CTNNAL1: variants seen among roughly 807,000 people sequenced by gnomAD.
CTNNAL1 encodes the protein catenin alpha like 1.
Under a neutral mutation model 93.6 loss-of-function variants are expected in CTNNAL1, and 69 were observed. That is an observed-to-expected ratio of 0.74 (90% confidence interval 0.61 to 0.90). The LOEUF (loss-of-function observed/expected upper bound fraction) is 0.90, where lower values mean the gene tolerates loss of function less well. Ranked by LOEUF, CTNNAL1 falls within the 40% of genes least tolerant of loss-of-function variation. The probability of loss-of-function intolerance (pLI) is 0.00; values close to 1 mark genes in which losing one functional copy is unlikely to be tolerated. For synonymous variants in CTNNAL1, 286 were observed against 305.4 expected, an observed-to-expected ratio of 0.94 and a Z score of 0.66; for missense variants, 836 against 862.0, an observed-to-expected ratio of 0.97 and a Z score of 0.38.
Position 108,983,275 on chromosome 9 carries a change from T to A in CTNNAL1, c.770A>T (p.Asn257Ile), listed in dbSNP as rs531855698. The A allele has an allele frequency of 1.5e-5, 23 of 1,576,532 alleles. No homozygotes were observed. Among genetic ancestry groups the A allele is most frequent in the African/African-American group, 6.8e-5 (5 of 73,310 alleles). Residue 257 changes from asparagine (N) to isoleucine (I), a missense_variant, in exon 6 of 19, where the codon AAC becomes ATC. Transcript: ENST00000325551. Reference sequence around the variant, plus strand: ...CATACGGTCAAATACTCCTTCTTTGTTTTTATGGGCTGATTCGCAGTTAGG... The same window carrying A: ...CATACGGTCAAATACTCCTTCTTTGATTTTATGGGCTGATTCGCAGTTAGG... ...RHPNCESAHK[N>I]KEGVFDRMKV...
intron 1 of CTNNAL1, among the ~76,000 whole-genome samples, chr9:109,001,262 A>T (rs2780335): frequency 0.93 from 141,582 of 152,058 alleles, 66,015 homozygotes; most frequent in East Asian, 1. Flanking sequence ...AATACTATAA[A>T]CTCTGTAGTA....
rs1465814494 is a variant in CTNNAL1 at position 108,952,199 on chromosome 9, C to T, written c.1835+10G>A. 11 of 1,592,612 alleles carry T rather than the reference C, an allele frequency of 6.9e-6. No homozygotes were observed. Among genetic ancestry groups the T allele is most frequent in the Non-Finnish European group, 8.5e-6 (10 of 1,170,194 alleles). On this transcript the variant is annotated intron_variant, in intron 14 of 18. Coordinates refer to ENST00000325551, the MANE Select transcript of CTNNAL1 (RefSeq NM_003798.4). The stretch of plus-strand genomic sequence containing the variant: ...ACTGATTTAAAAAATAAAAATACAA[C>T]TACATTTACCTAGTAAATAAATACA...
chr9:108,942,929 A>G (rs200584747), intron 18 of CTNNAL1, 32 bp downstream of exon 18: 13 of 1,609,930 alleles, frequency 8.1e-6, no homozygotes, highest in Non-Finnish European at 1.1e-5. Flanking sequence ...CATTTTTTAA[A>G]GTATGAGTCT....
intron 8 of CTNNAL1, among the ~76,000 whole-genome samples, chr9:108,975,862 T>C (rs1831252854): frequency 1.3e-5 from 2 of 152,176 alleles, no homozygotes; most frequent in Admixed American, 6.5e-5. Context: ...GGTCCAGTTG[T>C]AGTTTGTGAA....
intron 11 of CTNNAL1, among the ~76,000 whole-genome samples, chr9:108,962,537 G>T (rs1279377952): frequency 1.3e-5 from 2 of 152,160 alleles, no homozygotes; most frequent in African/African-American, 2.4e-5. Context: ...AGCTTCATTT[G>T]TACAAAGAAG....
intron 10 of CTNNAL1, among the ~76,000 whole-genome samples, chr9:108,967,362 G>T (rs1830984784): frequency 6.6e-6 from 1 of 150,678 alleles, no homozygotes; most frequent in African/African-American, 2.4e-5. Flanking sequence ...GTTGTTCCAT[G>T]GAGTTGATTA....
At chr9:108,943,845 G>A in intron 16 of CTNNAL1, 29 bp from the exon 17 acceptor site, 2 of 1,607,496 alleles carry the variant, frequency 1.2e-6, no homozygotes, top group Non-Finnish European at 8.5e-7. Context: ...AGTTATAACA[G>A]CCCGCAACAA....
At chr9:109,000,100 C>G (rs992372755) in intron 1 of CTNNAL1, among the ~76,000 whole-genome samples, 1 of 152,148 alleles carries the variant, frequency 6.6e-6, no homozygotes, top group Non-Finnish European at 1.5e-5. Context: ...GTGCCAAGCA[C>G]TTTATATGTA....
At chr9:108,962,478 G>C (rs899621856) in intron 11 of CTNNAL1, among the ~76,000 whole-genome samples, 1 of 152,196 alleles carries the variant, frequency 6.6e-6, no homozygotes, top group Admixed American at 6.5e-5. Context: ...TAGATGTCCG[G>C]TGAGAGGAAT....
chr9:108,942,727 C>T lies in CTNNAL1; in HGVS notation c.*42G>A, dbSNP rs1257135420. ...ATCATTTGATTTTTAAAAATGTCAG[C>T]TTCATCACATGATGTTCCAGAGATC... is the stretch of plus-strand genomic sequence containing the variant. On this transcript the variant is annotated 3_prime_UTR_variant, in exon 19 of 19. Coordinates refer to ENST00000325551, the MANE Select transcript of CTNNAL1 (RefSeq NM_003798.4). The T allele has an allele frequency of 1.7e-6, 2 of 1,211,716 alleles. No homozygotes were observed. Among genetic ancestry groups the T allele is most frequent in the African/African-American group, 3.0e-5 (2 of 65,700 alleles). The allele number at this position is 1,211,716 out of a possible 1,614,324, so 75.1% of individuals were successfully genotyped here.
Position 108,990,757 on chromosome 9 carries a change from TCCA to T in CTNNAL1, c.605_607del (p.Val202del), listed in dbSNP as rs1831768976. 1.2e-6 allele frequency: 2 copies of T among 1,613,554 alleles called. No homozygotes were observed. The highest frequency in any genetic ancestry group is 2.7e-5 in the African/African-American group (2 of 74,920). On this transcript the variant is annotated inframe_deletion, in exon 4 of 19. Coordinates refer to ENST00000325551, the MANE Select transcript of CTNNAL1 (RefSeq NM_003798.4). Reference sequence around the variant, plus strand: ...TCTATCTCCACTCAGATGTGCAAACTCCACCATTTCATTTCCAAATTGACTGAA... The same window carrying T: ...TCTATCTCCACTCAGATGTGCAAACTCCATTTCATTTCCAAATTGACTGAA...
intron 7 of CTNNAL1, 53 bp downstream of exon 7, chr9:108,979,228 T>G: frequency 1.2e-6 from 2 of 1,604,180 alleles, no homozygotes; most frequent in Non-Finnish European, 1.7e-6. Flanking sequence ...TTGCAAAACT[T>G]TATGGGAAAG....
chr9:109,011,861 G>C (rs1305454521), intron 1 of CTNNAL1, among the ~76,000 whole-genome samples: 6 of 152,216 alleles, frequency 3.9e-5, no homozygotes, highest in African/African-American at 1.4e-4. Context: ...CTACCACATA[G>C]TAAGCATTAC....
chr9:108,955,884 T>A (rs1245898512), intron 11 of CTNNAL1, 57 bp from the exon 12 acceptor site: 21 of 1,108,620 alleles, frequency 1.9e-5, no homozygotes, highest in Non-Finnish European at 1.3e-6. Flanking sequence ...TTTTCTATTA[T>A]TCATAGTTAA....
At chr9:108,946,978 C>T (rs1024348789) in intron 15 of CTNNAL1, among the ~76,000 whole-genome samples, 3 of 152,096 alleles carry the variant, frequency 2.0e-5, no homozygotes, top group African/African-American at 4.8e-5. Context: ...TTATAGTCTG[C>T]TTTACAGAAA....
Position 108,979,433 on chromosome 9 carries a change from T to G in CTNNAL1, c.949A>C (p.Asn317His). ...RENLYFQSKE[N>H]LSVTLEVILE... ...ATGACTTCCAATGTCACAGAAAGGT[T>G]CTCTTTGGACTGAAAATAAAGATTC... Residue 317 changes from asparagine (N) to histidine (H), a missense_variant, in exon 7 of 19, where the codon AAC becomes CAC. Transcript: ENST00000325551. 6.2e-7 allele frequency: 1 copy of G among 1,614,090 alleles called. No homozygotes were observed. The highest frequency in any genetic ancestry group is 8.5e-7 in the Non-Finnish European group (1 of 1,180,008).
intron 3 of CTNNAL1, chr9:108,992,044 T>C: frequency 6.5e-6 from 5 of 766,250 alleles, no homozygotes; most frequent in Non-Finnish European, 1.2e-5. Flanking sequence ...TTTAACTGTG[T>C]CTTAAGTTAT....
chr9:108,997,977 C>T (rs1832084239), intron 2 of CTNNAL1, among the ~76,000 whole-genome samples: 1 of 152,194 alleles, frequency 6.6e-6, no homozygotes, highest in Non-Finnish European at 1.5e-5. Flanking sequence ...ATGTCACTGC[C>T]CAGCACAAAA....
intron 7 of CTNNAL1, among the ~76,000 whole-genome samples, chr9:108,978,766 A>C (rs566190869): frequency 8.4e-4 from 128 of 152,278 alleles, no homozygotes; most frequent in South Asian, 2.5e-3. Context: ...AAGGGTGAAA[A>C]GCTTTTACTT....
Sources: allele counts gnomAD v4.1 joint callset (sites outside exome capture counted in the v4.1 genomes callset), GRCh38; gene constraint gnomAD v4.1.1; transcripts MANE v1.5; gene names NCBI Gene and HGNC (gene_info 2026-07-23, HGNC 2026-07-21).